Variants in RBMS2 observed in about 807,000 individuals in gnomAD.
The protein encoded by RBMS2 is RNA-binding motif, single-stranded-interacting protein 2.
Under a neutral mutation model 58.4 loss-of-function variants are expected in RBMS2, and 38 were observed. That is an observed-to-expected ratio of 0.65 (90% CI 0.50 to 0.85). The LOEUF (loss-of-function observed/expected upper bound fraction) is 0.85, where lower values mean the gene tolerates loss of function less well. RBMS2 is among the 40% of genes least tolerant of loss of function. RBMS2 has a pLI of 0.00. For synonymous variants in RBMS2, 151 were observed against 180.7 expected, an observed-to-expected ratio of 0.84 and a Z score of 1.32; for missense variants, 367 against 503.7, an observed-to-expected ratio of 0.73 and a Z score of 2.60.
intron 1 of RBMS2, among the ~76,000 whole-genome samples, chr12:56,537,398 G>C (rs978486627): frequency 6.6e-6 from 1 of 152,046 alleles, no homozygotes; most frequent in African/African-American, 2.4e-5. Context: ...TTTCTGTCTC[G>C]ATGAATTTGA....
At chr12:56,537,131 G>A (rs528297981) in intron 1 of RBMS2, among the ~76,000 whole-genome samples, 7 of 152,094 alleles carry the variant, frequency 4.6e-5, no homozygotes, top group Admixed American at 3.3e-4. Flanking sequence ...AGGTTGGTCA[G>A]GCTGGCCTTG....
intron 1 of RBMS2, among the ~76,000 whole-genome samples, chr12:56,546,092 C>T (rs1877124079): frequency 6.6e-6 from 1 of 150,780 alleles, no homozygotes; most frequent in South Asian, 2.1e-4. Context: ...TGCACCACCA[C>T]ACCTGGCTAA....
At chr12:56,546,963 T>C (rs1281558286) in intron 1 of RBMS2, among the ~76,000 whole-genome samples, 1 of 152,184 alleles carries the variant, frequency 6.6e-6, no homozygotes, top group Admixed American at 6.6e-5. Flanking sequence ...CCAGAACTTA[T>C]CTGTCTTTTT....
intron 1 of RBMS2, among the ~76,000 whole-genome samples, chr12:56,536,547 T>C (rs1874880376): frequency 6.6e-6 from 1 of 151,472 alleles, no homozygotes; most frequent in African/African-American, 2.4e-5. Context: ...CTTTCTCTCC[T>C]TCTCTCCTTC....
Position 56,591,530 on chromosome 12 carries a change from G to T in RBMS2, c.*2397G>T, listed in dbSNP as rs1371446098. 2 of 152,176 alleles carry T rather than the reference G, an allele frequency of 1.3e-5. No individual in the cohort carries two copies. Among genetic ancestry groups the T allele is most frequent in the Non-Finnish European group, 2.9e-5 (2 of 68,032 alleles). 9.4% of individuals were successfully genotyped at this position (152,176 alleles called of 1,614,324 possible). ...CCTTCTAGAGGGCTCTGGCTGGGCA[G>T]ATAGCTTTTGTTTTTGAGTCTCCAG... On this transcript the variant is annotated 3_prime_UTR_variant, in exon 14 of 14. Transcript: ENST00000262031.
chr12:56,525,402 A>G (rs767200589), intron 1 of RBMS2, among the ~76,000 whole-genome samples: 10 of 151,654 alleles, frequency 6.6e-5, no homozygotes, highest in Non-Finnish European at 1.3e-4. Context: ...TTCTAATTTT[A>G]GTAGAGACGA....
At position 56,592,271 on chromosome 12, in the gene RBMS2, A is replaced by C. The variant is rs1885355515; in HGVS notation, c.*3138A>C. 1 of 152,174 alleles carries C rather than the reference A, an allele frequency of 6.6e-6. No homozygotes were observed. Among genetic ancestry groups the C allele is most frequent in the Non-Finnish European group, 1.5e-5 (1 of 68,042 alleles). The allele number at this position is 152,174 out of a possible 1,614,324, so 9.4% of individuals were successfully genotyped here. On this transcript the variant is annotated 3_prime_UTR_variant, in exon 14 of 14. Coordinates refer to ENST00000262031, the MANE Select transcript of RBMS2 (RefSeq NM_002898.4). ...TACAGATGCTCATAACATTCTTAAA[A>C]TATTTTAGTACTTGGCATTTTTCTG...
At chr12:56,562,914 A>G (rs2888045) in intron 2 of RBMS2, among the ~76,000 whole-genome samples, 108,697 of 152,034 alleles carry the variant, frequency 0.71, 41,233 homozygotes, top group East Asian at 0.83. Flanking sequence ...CGAGGTCAGG[A>G]GATCGAGACC....
intron 2 of RBMS2, 114 bp from the exon 3 acceptor site, chr12:56,568,861 A>G: frequency 1.1e-6 from 1 of 875,446 alleles, no homozygotes. Flanking sequence ...TGAAGGTTTG[A>G]GTAGGAAAAG....
intron 2 of RBMS2, among the ~76,000 whole-genome samples, chr12:56,564,418 G>T (rs554647583): frequency 6.6e-6 from 1 of 152,068 alleles, no homozygotes; most frequent in South Asian, 2.1e-4. Context: ...ACCAAGGCTG[G>T]AGTGCAGTGG....
At chr12:56,574,002 A>T (rs994051347) in intron 5 of RBMS2, among the ~76,000 whole-genome samples, 5 of 152,008 alleles carry the variant, frequency 3.3e-5, no homozygotes, top group Non-Finnish European at 5.9e-5. Context: ...CACCATGCCC[A>T]GCTAATTTTT....
At chr12:56,565,680 C>A (rs532695158) in intron 2 of RBMS2, among the ~76,000 whole-genome samples, 2 of 152,062 alleles carry the variant, frequency 1.3e-5, no homozygotes, top group Non-Finnish European at 1.5e-5. Context: ...GCCCTCTGTC[C>A]GCTGTGAGCA....
At chr12:56,572,296 A>C (rs1882436373) in intron 5 of RBMS2, among the ~76,000 whole-genome samples, 1 of 151,570 alleles carries the variant, frequency 6.6e-6, no homozygotes, top group Non-Finnish European at 1.5e-5. Flanking sequence ...CTCAAAAAAA[A>C]AAAAAAAAAA....
rs1047101970 is a variant in RBMS2 at position 56,584,559 on chromosome 12, G to A, written c.874-2290G>A. Among the ~76,000 whole-genome samples the A allele has an allele frequency of 4.6e-5, 7 of 152,196 alleles. No individual in the cohort carries two copies. In the East Asian group the frequency reaches 1.4e-3, roughly 29 times the overall value. ...CCAGCACTTTGGGAGGCCGAGGAGG[G>A]CGGATCACAAGGTCAGGAGATCGAG... is the stretch of plus-strand genomic sequence containing the variant. On this transcript the variant is annotated intron_variant, in intron 9 of 13. Transcript: ENST00000262031.
chr12:56,570,751 G>A (rs1271377546), intron 4 of RBMS2, among the ~76,000 whole-genome samples: 2 of 152,100 alleles, frequency 1.3e-5, no homozygotes, highest in African/African-American at 4.8e-5. Context: ...CTAATTTTTT[G>A]TATTTTTAGT....
At chr12:56,524,666 T>A (rs116715572) in intron 1 of RBMS2, among the ~76,000 whole-genome samples, 1 of 151,462 alleles carries the variant, frequency 6.6e-6, no homozygotes, top group African/African-American at 2.4e-5. Flanking sequence ...CTGCCCTGCC[T>A]TGGACTCCCA....
chr12:56,573,757 T>C (rs1024663709), intron 5 of RBMS2, among the ~76,000 whole-genome samples: 1 of 151,910 alleles, frequency 6.6e-6, no homozygotes, highest in Non-Finnish European at 1.5e-5. Context: ...CACACTTTTT[T>C]TTTTTTTTTT....
chr12:56,587,793 C>A, intron 11 of RBMS2, 129 bp downstream of exon 11: 1 of 1,334,038 alleles, frequency 7.5e-7, no homozygotes, highest in Non-Finnish European at 1.0e-6. Flanking sequence ...ACACTCAGAA[C>A]AGGACATAAA....
intron 5 of RBMS2, 32 bp downstream of exon 5, chr12:56,571,887 G>T: frequency 6.8e-7 from 1 of 1,464,466 alleles, no homozygotes; most frequent in Non-Finnish European, 9.1e-7. Context: ...AAATGATGAG[G>T]TTAATAACAA....
Sources: allele counts gnomAD v4.1 joint callset (sites outside exome capture counted in the v4.1 genomes callset), GRCh38; gene constraint gnomAD v4.1.1; transcripts MANE v1.5; gene names NCBI Gene and HGNC (gene_info 2026-07-23, HGNC 2026-07-21).